NEDD4: variants seen among roughly 807,000 people sequenced by gnomAD.
NEDD4 encodes NEDD4 E3 ubiquitin protein ligase, also known as E3 ubiquitin-protein ligase NEDD4.
Under a neutral mutation model 144.9 loss-of-function variants are expected in NEDD4, and 99 were observed. That is an observed-to-expected ratio of 0.68 (90% CI 0.58 to 0.81). The LOEUF (loss-of-function observed/expected upper bound fraction) is 0.81. Among genes scored for constraint, NEDD4 ranks in the 30% least tolerant of loss-of-function variants. NEDD4 has a pLI of 0.00. For missense variants in NEDD4, 985 were observed against 1,065.9 expected (o/e 0.92, Z 1.06); for synonymous variants, 318 against 350.6 (o/e 0.91, Z 1.04).
intron 5 of NEDD4, among the ~76,000 whole-genome samples, chr15:55,922,640 G>C (rs1398814843): frequency 1.3e-5 from 2 of 152,152 alleles, no homozygotes; most frequent in African/African-American, 4.8e-5. Flanking sequence ...TGGGATTACA[G>C]GCATAAGCAA....
intron 24 of NEDD4, among the ~76,000 whole-genome samples, chr15:55,836,668 C>T (rs1044498091): frequency 2.0e-5 from 3 of 151,904 alleles, no homozygotes; most frequent in Admixed American, 6.6e-5. Flanking sequence ...TGGGACTGCA[C>T]GTGCACGCCA....
At chr15:55,893,604 C>A (rs1298560114) in intron 5 of NEDD4, among the ~76,000 whole-genome samples, 1 of 150,964 alleles carries the variant, frequency 6.6e-6, no homozygotes, top group African/African-American at 2.4e-5. Flanking sequence ...TATTTGAACA[C>A]ATGAAAAGTG....
intron 13 of NEDD4, among the ~76,000 whole-genome samples, chr15:55,851,374 GT>G (rs140007357): frequency 1.9e-4 from 28 of 149,178 alleles, no homozygotes; most frequent in East Asian, 7.8e-4. Flanking sequence ...TCAATGCAAA[GT>G]TTTTTTTTTA....
At chr15:55,907,994 G>A (rs757216126) in intron 5 of NEDD4, among the ~76,000 whole-genome samples, 6 of 152,092 alleles carry the variant, frequency 3.9e-5, no homozygotes, top group Non-Finnish European at 5.9e-5. Context: ...CCAGGGACAA[G>A]GTATTCATTT....
intron 1 of NEDD4, among the ~76,000 whole-genome samples, chr15:55,973,766 T>C (rs1287353458): frequency 4.0e-5 from 6 of 150,944 alleles, no homozygotes; most frequent in African/African-American, 1.2e-4. Flanking sequence ...ACCTATGGAA[T>C]AGAGCAAAAG....
rs547783092 is a variant in NEDD4, at chr15:55,852,252, G to A, written c.1146+172C>T. ...CAGAGGTGCAGTGAGCCACGATCACGCCATTGGACTCCAGCCTGGGCGACA... is the reference window on the plus strand; with the variant it reads ...CAGAGGTGCAGTGAGCCACGATCACACCATTGGACTCCAGCCTGGGCGACA... On this transcript the variant is annotated intron_variant, in intron 13 of 28. Coordinates refer to ENST00000435532, the MANE Select transcript of NEDD4 (RefSeq NM_006154.4). Among the ~76,000 whole-genome samples, 5 of 151,666 alleles carry A rather than the reference G, an allele frequency of 3.3e-5. No individual in the cohort carries two copies. In the East Asian group the frequency reaches 5.9e-4, roughly 18 times the overall value.
chr15:55,970,057 T>A (rs1193865657), intron 1 of NEDD4, among the ~76,000 whole-genome samples: 3 of 152,092 alleles, frequency 2.0e-5, no homozygotes, highest in Non-Finnish European at 4.4e-5. Flanking sequence ...GACCCAGGCC[T>A]GGCAGGACTC....
At position 55,872,452 on chromosome 15, in the gene NEDD4, G is replaced by T; in HGVS notation, c.367C>A (p.Pro123Thr). Residue 123 changes from proline (P) to threonine (T), a missense_variant, in exon 7 of 29, where the codon CCA becomes ACA. Physicochemically the swap from Pro to Thr is conservative, Grantham distance 38 (BLOSUM62 -1). Coordinates refer to ENST00000435532, the MANE Select transcript of NEDD4 (RefSeq NM_006154.4). Reference sequence around the variant, plus strand: ...AGAACAAAATCCTTAAATGTATATGGTCTCTCCAATCTTGGATTTTCTGTC... The same window carrying T: ...AGAACAAAATCCTTAAATGTATATGTTCTCTCCAATCTTGGATTTTCTGTC... ...LPTENPRLER[P>T]YTFKDFVLHP... 2.0e-6 allele frequency: 3 copies of T among 1,465,722 alleles called. No individual in the cohort carries two copies. Among genetic ancestry groups the T allele is most frequent in the Admixed American group, 2.3e-5 (1 of 44,364 alleles). 90.8% of individuals were successfully genotyped at this position (1,465,722 alleles called of 1,614,324 possible).
At chr15:55,848,986 A>T in intron 14 of NEDD4, 100 bp from the exon 15 acceptor site, 1 of 901,464 alleles carries the variant, frequency 1.1e-6, no homozygotes. Context: ...TATTTAAAAT[A>T]TTCTCTTGTA....
intron 4 of NEDD4, among the ~76,000 whole-genome samples, chr15:55,947,131 A>C (rs546443913): frequency 1.3e-5 from 2 of 152,356 alleles, no homozygotes; most frequent in South Asian, 4.1e-4. Flanking sequence ...TTCAAAAGCT[A>C]GCAGAAGACA....
At position 55,851,374 on chromosome 15, in the gene NEDD4, G is replaced by GTT. The variant is rs140007357; in HGVS notation, c.1147-634_1147-633dup. ...TACAGGGCCACAACATCAATGCAAA[G>GTT]TTTTTTTTTTATCAAGCAGCACCTC... is the stretch of plus-strand genomic sequence containing the variant. On this transcript the variant is annotated intron_variant, in intron 13 of 28. Coordinates refer to ENST00000435532, the MANE Select transcript of NEDD4 (RefSeq NM_006154.4). 6.7e-5 allele frequency among the ~76,000 whole-genome samples: 10 copies of GTT among 149,262 alleles called. No individual in the cohort carries two copies. The South Asian group carries it at 8.5e-4, about 13-fold the overall frequency.
chr15:55,838,457 A>G, intron 22 of NEDD4, 52 bp downstream of exon 22: 1 of 1,257,862 alleles, frequency 8.0e-7, no homozygotes, highest in Non-Finnish European at 1.2e-6. Flanking sequence ...TTAACATCTA[A>G]ACATTTGTCT....
chr15:55,922,647 G>A (rs1319735089), intron 5 of NEDD4, among the ~76,000 whole-genome samples: 3 of 152,160 alleles, frequency 2.0e-5, no homozygotes, highest in African/African-American at 7.2e-5. Flanking sequence ...ACAGGCATAA[G>A]CAACCATGCC....
chr15:55,950,582 G>C (rs890807951), intron 4 of NEDD4, among the ~76,000 whole-genome samples: 1 of 152,202 alleles, frequency 6.6e-6, no homozygotes, highest in African/African-American at 2.4e-5. Flanking sequence ...CTTGGCAGCA[G>C]GGAAGTCACT....
chr15:55,895,686 T>C (rs989922072), intron 5 of NEDD4, among the ~76,000 whole-genome samples: 3 of 152,232 alleles, frequency 2.0e-5, no homozygotes, highest in Non-Finnish European at 4.4e-5. Flanking sequence ...TTTGCAGTTC[T>C]TGGGTGATAC....
chr15:55,977,719 G>C (rs1312836990), intron 1 of NEDD4, among the ~76,000 whole-genome samples: 1 of 151,614 alleles, frequency 6.6e-6, no homozygotes, highest in African/African-American at 2.4e-5. Context: ...ACAAAAATGG[G>C]AGATTTTATT....
rs755768814 is a variant in NEDD4 at position 55,848,508 on chromosome 15, G to T, written c.1483+13C>A. On this transcript the variant is annotated intron_variant, in intron 16 of 28. Transcript: ENST00000435532. ...ACAAAAAATAACATAATGAAAAATC[G>T]CACTGCACATACTGTGATTTATGTA... 4.3e-6 allele frequency: 7 copies of T among 1,612,510 alleles called. No individual in the cohort carries two copies. The Admixed American group carries it at 1.2e-4, about 27-fold the overall frequency.
At chr15:55,916,906 G>A (rs1487465964) in intron 5 of NEDD4, 1 of 1,515,630 alleles carries the variant, frequency 6.6e-7, no homozygotes, top group Non-Finnish European at 8.8e-7. Context: ...GCTAGAAGCA[G>A]CTGCACTGCA....
chr15:55,957,275 GT>G lies in NEDD4; in HGVS notation c.120-5687del, dbSNP rs575066517. ...CAGTTTTACTTCTTCCTTTTTGACT[GT>G]GTGATTTTTTTTTCTTTGCCATACT... On this transcript the variant is annotated intron_variant, in intron 2 of 28. Coordinates refer to ENST00000435532, the MANE Select transcript of NEDD4 (RefSeq NM_006154.4). 9.5e-4 allele frequency among the ~76,000 whole-genome samples: 145 copies of G among 152,174 alleles called. 2 individuals carry two copies. The highest frequency in any genetic ancestry group is 3.4e-3 in the Middle Eastern group (1 of 294).
Sources: allele counts gnomAD v4.1 joint callset (sites outside exome capture counted in the v4.1 genomes callset), GRCh38; gene constraint gnomAD v4.1.1; transcripts MANE v1.5; gene names NCBI Gene and HGNC (gene_info 2026-07-23, HGNC 2026-07-21).